SPG11: variants seen among roughly 807,000 people sequenced by gnomAD.
SPG11 encodes spatacsin.
Under a neutral mutation model 274.0 loss-of-function variants are expected in SPG11, and 222 were observed. The ratio of observed to expected loss-of-function variants is 0.81; its 90% confidence interval spans 0.73 to 0.91. The LOEUF (loss-of-function observed/expected upper bound fraction) is 0.91, where lower values mean the gene tolerates loss of function less well. SPG11 is among the 40% of genes least tolerant of loss of function. The pLI, the probability that SPG11 is intolerant of heterozygous loss-of-function variation, is 0.00. For missense variants in SPG11, 3,114 were observed against 2,872.7 expected (o/e 1.08, Z -1.92); for synonymous variants, 1,144 against 1,039.7 (o/e 1.10, Z -1.93).
chr15:44,635,767 A>C (rs2084227712), intron 7 of SPG11, among the ~76,000 whole-genome samples: 1 of 151,730 alleles, frequency 6.6e-6, no homozygotes, highest in Admixed American at 6.6e-5. Flanking sequence ...AAATACAAAA[A>C]TTAGCTGGGT....
intron 28 of SPG11, among the ~76,000 whole-genome samples, 193 bp from the exon 29 acceptor site, chr15:44,586,043 G>T (rs117309433): frequency 7.3e-6 from 1 of 136,788 alleles, no homozygotes; most frequent in Non-Finnish European, 1.5e-5. Context: ...GGAATGCAGT[G>T]GTGTGATCTC....
intron 38 of SPG11, 97 bp from the exon 39 acceptor site, chr15:44,564,795 G>A (rs112160595): frequency 7.8e-7 from 1 of 1,278,440 alleles, no homozygotes; most frequent in East Asian, 2.4e-5. Context: ...ACTCACTCAT[G>A]TAGTGAATAT....
intron 18 of SPG11, among the ~76,000 whole-genome samples, chr15:44,609,641 A>G (rs2083408375): frequency 6.6e-6 from 1 of 152,090 alleles, no homozygotes; most frequent in African/African-American, 2.4e-5. Context: ...TCCTAATTGT[A>G]TTCTGAAAAC....
intron 7 of SPG11, among the ~76,000 whole-genome samples, chr15:44,642,962 C>G (rs1034291871): frequency 9.9e-5 from 15 of 152,246 alleles, no homozygotes; most frequent in African/African-American, 3.6e-4. Context: ...CATACACATT[C>G]AAAGATATCC....
intron 4 of SPG11, among the ~76,000 whole-genome samples, chr15:44,656,504 A>T (rs1209695092): frequency 6.6e-6 from 1 of 152,194 alleles, no homozygotes; most frequent in African/African-American, 2.4e-5. Flanking sequence ...AGGTCAATGA[A>T]TTGGAAATTC....
intron 38 of SPG11, among the ~76,000 whole-genome samples, chr15:44,565,140 A>C (rs1468181002): frequency 6.6e-6 from 1 of 152,192 alleles, no homozygotes; most frequent in African/African-American, 2.4e-5. Flanking sequence ...TTCCCTGATA[A>C]TCCACTTCTT....
rs151207396 is a variant in SPG11, at chr15:44,631,701, C to T, written c.1735+1804G>A. Among the ~76,000 whole-genome samples, 925 of 146,498 alleles carry T rather than the reference C, an allele frequency of 6.3e-3. 15 individuals carry two copies. The highest frequency in any genetic ancestry group is 0.022 in the African/African-American group (870 of 39,722). On this transcript the variant is annotated intron_variant, in intron 8 of 39. Transcript: ENST00000261866. Reference sequence around the variant, plus strand: ...TCAATTAAAAATAGAGGCTGAGTCTCACTATGTTGCCCAGGCTGGTCATGA... The same window carrying T: ...TCAATTAAAAATAGAGGCTGAGTCTTACTATGTTGCCCAGGCTGGTCATGA...
rs1360217779 is a variant in SPG11 at position 44,629,278 on chromosome 15, A to G, written c.1846T>C (p.Ser616Pro). 1 of 1,614,142 alleles carries G rather than the reference A, an allele frequency of 6.2e-7. No individual in the cohort carries two copies. Among genetic ancestry groups the G allele is most frequent in the Non-Finnish European group, 8.5e-7 (1 of 1,179,992 alleles). The change falls in exon 9 of 40, where the codon TCT (serine) becomes CCT (proline). Residue 616 changes from serine (S) to proline (P), a missense_variant. Transcript: ENST00000261866. ...TCCTTTATTTGGTTGTTAAGGAAAG[A>G]CAGTGTAAGATTAAGCAATTGTTCT... ...FSEQLLNLTL[S>P]FLNNQIKELF...
At position 44,662,650 on chromosome 15, in the gene SPG11, TAAAAAAAAA is replaced by T. The variant is rs527806518; in HGVS notation, c.257+732_257+740del. 5.5e-3 allele frequency among the ~76,000 whole-genome samples: 506 copies of T among 91,196 alleles called. 2 individuals carry two copies. Among genetic ancestry groups the T allele is most frequent in the African/African-American group, 0.021 (481 of 23,418 alleles). The allele number at this position is 91,196 out of a possible 152,430, so 59.8% of individuals were successfully genotyped here. A position where few individuals can be genotyped will look rare whatever the true frequency, so the allele number is the denominator to read the frequency against. ...GCCTGGGCGACAGCGACCTTATCTT[TAAAAAAAAA>T]AAAAAAAAAAAAAAAGCAGCAGCCC... On this transcript the variant is annotated intron_variant, in intron 1 of 39. Transcript: ENST00000261866.
rs142646816 is a variant in SPG11, at chr15:44,595,923, C to T, written c.4434+160G>A. The T allele has an allele frequency of 6.2e-4, 584 of 948,480 alleles. 2 individuals are homozygous for T. The African/African-American group carries it at 8.4e-3, about 14-fold the overall frequency. 58.8% of individuals were successfully genotyped at this position (948,480 alleles called of 1,614,324 possible). On this transcript the variant is annotated intron_variant, in intron 25 of 39. Transcript: ENST00000261866. ...AGAAAGTACACCAAATGGCCCAGAG[C>T]CTAAGCTAGAGAAGCACAAAATGTT...
In SPG11 at chr15:44,652,247, G is replaced by T; in HGVS notation, c.889C>A (p.Leu297Met). ...LYFRQHPGHLLCERILEDLPI... is the reference protein window; with the variant it reads ...LYFRQHPGHLMCERILEDLPI... ...AGATCTTCTAGTATTCTTTCACACAGTAGGTGTCCTGGGTGTTGCCTACAT... is the reference window on the plus strand; with the variant it reads ...AGATCTTCTAGTATTCTTTCACACATTAGGTGTCCTGGGTGTTGCCTACAT... Residue 297 changes from leucine (L) to methionine (M), a missense_variant, in exon 5 of 40, where the codon CTG becomes ATG. Leu to Met is a conservative substitution (Grantham distance 15). Transcript: ENST00000261866. The T allele has an allele frequency of 6.2e-7, 1 of 1,614,024 alleles. No individual in the cohort carries two copies. Among genetic ancestry groups the T allele is most frequent in the Non-Finnish European group, 8.5e-7 (1 of 1,179,988 alleles).
At chr15:44,622,436 C>G (rs1483026977) in intron 12 of SPG11, 89 bp from the exon 13 acceptor site, 2 of 1,086,954 alleles carry the variant, frequency 1.8e-6, no homozygotes, top group Non-Finnish European at 2.7e-6. Context: ...TAAGGTAGTG[C>G]TGGGAATTAA....
intron 20 of SPG11, among the ~76,000 whole-genome samples, chr15:44,604,902 C>CCAG (rs2083281389): frequency 7.4e-6 from 1 of 134,286 alleles, no homozygotes; most frequent in South Asian, 2.3e-4. Flanking sequence ...CCACTGCACT[C>CCAG]CAGCCTGGGC....
chr15:44,644,725 G>A (rs1312806014), intron 7 of SPG11, among the ~76,000 whole-genome samples: 1 of 152,068 alleles, frequency 6.6e-6, no homozygotes, highest in Non-Finnish European at 1.5e-5. Context: ...CTTTGGCAAA[G>A]TTTCAGGATA....
At position 44,622,660 on chromosome 15, in the gene SPG11, G is replaced by T. The variant is rs573114362; in HGVS notation, c.2316+68C>A. ...AATTACTTAAGGTTTTTCTTCCAAG[G>T]TTTTCTTCCAAGTTTTTCACCCAGG... On this transcript the variant is annotated intron_variant, in intron 12 of 39. Coordinates refer to ENST00000261866, the MANE Select transcript of SPG11 (RefSeq NM_025137.4). 7 of 1,297,978 alleles carry T rather than the reference G, an allele frequency of 5.4e-6. No homozygotes were observed. In the Admixed American group the frequency reaches 8.6e-5, roughly 16 times the overall value. The allele number at this position is 1,297,978 out of a possible 1,614,324, so 80.4% of individuals were successfully genotyped here.
chr15:44,570,439 A>G (rs1435812095), intron 34 of SPG11, 86 bp downstream of exon 34: 3 of 1,566,884 alleles, frequency 1.9e-6, no homozygotes, highest in African/African-American at 2.7e-5. Flanking sequence ...CCCTACGACT[A>G]CATCAGCTCT....
Position 44,597,790 on chromosome 15 carries a change from G to A in SPG11, c.4001+475C>T, listed in dbSNP as rs1451348928. Among the ~76,000 whole-genome samples the A allele has an allele frequency of 1.3e-5, 2 of 152,148 alleles. 1 individual carries two copies. The highest frequency in any genetic ancestry group is 2.9e-5 in the Non-Finnish European group (2 of 68,024). On this transcript the variant is annotated intron_variant, in intron 23 of 39. Transcript: ENST00000261866. ...ATAAAGAAGGCATGAAGTGTAAGGAGGTGCTTTTACATACGGTCACTTCAG... is the reference window on the plus strand; with the variant it reads ...ATAAAGAAGGCATGAAGTGTAAGGAAGTGCTTTTACATACGGTCACTTCAG...
chr15:44,606,357 T>C (rs2083318530), intron 19 of SPG11, among the ~76,000 whole-genome samples: 1 of 152,188 alleles, frequency 6.6e-6, no homozygotes, highest in Non-Finnish European at 1.5e-5. Flanking sequence ...TATACTCTTT[T>C]GGTAGAGGGA....
At chr15:44,604,931 CAAAAAAAAAAA>C (rs908048525) in intron 20 of SPG11, among the ~76,000 whole-genome samples, 11 of 22,488 alleles carry the variant, frequency 4.9e-4, no homozygotes, top group East Asian at 1.2e-3. Context: ...ACTCCATCTC[CAAAAAAAAAAA>C]AAAAAAAAAA....
Sources: allele counts gnomAD v4.1 joint callset (sites outside exome capture counted in the v4.1 genomes callset), GRCh38; gene constraint gnomAD v4.1.1; transcripts MANE v1.5; gene names NCBI Gene and HGNC (gene_info 2026-07-23, HGNC 2026-07-21).